KATNAL2: variants seen among roughly 807,000 people sequenced by gnomAD.
The protein encoded by KATNAL2 is katanin catalytic subunit A1 like 2.
A neutral mutation model predicts 76.3 loss-of-function variants in KATNAL2; 52 were observed. That is an observed-to-expected ratio of 0.68 (90% CI 0.55 to 0.86). The LOEUF (loss-of-function observed/expected upper bound fraction) is 0.86. KATNAL2 is among the 40% of genes least tolerant of loss of function. The pLI is 0.00. For synonymous variants in KATNAL2, 243 were observed against 244.2 expected, an observed-to-expected ratio of 1.00 and a Z score of 0.05; for missense variants, 660 against 668.9, an observed-to-expected ratio of 0.99 and a Z score of 0.15.
intron 15 of KATNAL2, among the ~76,000 whole-genome samples, chr18:47,091,936 C>T (rs1216235860): frequency 6.6e-6 from 1 of 152,160 alleles, no homozygotes; most frequent in African/African-American, 2.4e-5. Context: ...TTACCCTGTG[C>T]TCTGCCATTT....
At chr18:46,927,279 C>G (rs143058837) in intron 1 of KATNAL2, among the ~76,000 whole-genome samples, 11,619 of 152,034 alleles carry the variant, frequency 0.076, 477 homozygotes, top group African/African-American at 0.098. Flanking sequence ...GGGCAGGCCT[C>G]GTGGTGACAA....
intron 3 of KATNAL2, among the ~76,000 whole-genome samples, chr18:47,038,017 C>A (rs115814983): frequency 0.012 from 1,831 of 152,196 alleles, 29 homozygotes; most frequent in African/African-American, 0.04. Context: ...GCCTCATTAC[C>A]AGACAGAGTT....
intron 8 of KATNAL2, among the ~76,000 whole-genome samples, chr18:47,062,750 A>G (rs1022918952): frequency 3.9e-5 from 6 of 152,256 alleles, no homozygotes; most frequent in African/African-American, 1.4e-4. Flanking sequence ...ATTTTTATTC[A>G]AATCCACTTC....
At chr18:47,072,645 C>T (rs928116203) in intron 13 of KATNAL2, among the ~76,000 whole-genome samples, 4 of 152,036 alleles carry the variant, frequency 2.6e-5, no homozygotes, top group African/African-American at 9.7e-5. Context: ...CACCATGTTG[C>T]CCAGGCTCCT....
At position 47,100,319 on chromosome 18, in the gene KATNAL2, G is replaced by T. The variant is rs759957671; in HGVS notation, c.1440G>T (p.Val480=). 3 of 1,614,166 alleles carry T rather than the reference G, an allele frequency of 1.9e-6. No individual in the cohort carries two copies. The South Asian group carries it at 3.3e-5, about 18-fold the overall frequency. ...GCAGGGAAGCAGCCATGCGGCCCGT[G>T]AGGAAGATCTTTGATGCACTTGAAA... ...LVCREAAMRP[V]RKIFDALENH... is the part of the protein sequence containing the mutation. The change falls in exon 17 of 18, where the codon GTG becomes GTT. Residue 480 remains valine (V), a synonymous_variant. Coordinates refer to ENST00000683218, the MANE Select transcript of KATNAL2 (RefSeq NM_001387690.1).
In KATNAL2 at chr18:46,933,956, G is replaced by C. The variant is rs539177387; in HGVS notation, c.-509-12101G>C. On this transcript the variant is annotated intron_variant, in intron 1 of 17. Transcript: ENST00000683218. ...AATGATGGTTTCCAGTTTCATCCAT[G>C]TCCCTACAAAGGACATGAACTCATC... Among the ~76,000 whole-genome samples the C allele has an allele frequency of 1.3e-4, 19 of 150,064 alleles. No homozygotes were observed. The East Asian group carries it at 2.2e-3, about 17-fold the overall frequency.
chr18:46,957,632 G>A (rs1444127907), intron 3 of KATNAL2, among the ~76,000 whole-genome samples: 2 of 143,538 alleles, frequency 1.4e-5, no homozygotes, highest in Non-Finnish European at 3.0e-5. Context: ...GCACGATCTC[G>A]GCTCACTGAA....
chr18:47,040,619 A>T (rs2257027), intron 3 of KATNAL2, among the ~76,000 whole-genome samples: 72,668 of 152,012 alleles, frequency 0.48, 17,593 homozygotes, highest in East Asian at 0.65. Flanking sequence ...CTTACATGAG[A>T]GTACTACTTT....
At chr18:46,918,544 T>A (rs1046384410) in intron 1 of KATNAL2, among the ~76,000 whole-genome samples, 3 of 152,058 alleles carry the variant, frequency 2.0e-5, no homozygotes, top group Non-Finnish European at 2.9e-5. Context: ...AATGTCTGCC[T>A]CCCGGGTTCA....
chr18:47,069,552 A>G lies in KATNAL2; in HGVS notation c.960A>G (p.Ala320=), dbSNP rs766645365. 4 of 1,614,072 alleles carry G rather than the reference A, an allele frequency of 2.5e-6. No individual in the cohort carries two copies. Residue 320 remains alanine (A), a synonymous_variant, in exon 13 of 18, where the codon GCA becomes GCG. Transcript: ENST00000683218. ...AAACAACCTTCTTTAACATTTCTGCATCCACCATTGTCAGCAAATGGAGAG... is the reference window on the plus strand; with the variant it reads ...AAACAACCTTCTTTAACATTTCTGCGTCCACCATTGTCAGCAAATGGAGAG... ...ECKTTFFNIS[A]STIVSKWRGD...
intron 17 of KATNAL2, 77 bp from the exon 18 acceptor site, chr18:47,100,789 A>G (rs757660237): frequency 3.3e-5 from 50 of 1,511,866 alleles, no homozygotes; most frequent in Non-Finnish European, 4.4e-5. Flanking sequence ...TTTTGAAAGA[A>G]GGTCTATTAG....
At chr18:46,925,360 T>G (rs564511449) in intron 1 of KATNAL2, among the ~76,000 whole-genome samples, 1 of 152,322 alleles carries the variant, frequency 6.6e-6, no homozygotes, top group South Asian at 2.1e-4. Flanking sequence ...TTGTCTTTGG[T>G]TCTGTTTATA....
At chr18:47,034,834 G>C in intron 3 of KATNAL2, 1 of 1,612,128 alleles carries the variant, frequency 6.2e-7, no homozygotes, top group African/African-American at 1.3e-5. Flanking sequence ...GTGAGACCTC[G>C]GGTGAGGTCT....
Position 47,043,245 on chromosome 18 carries a change from A to AAAAAAAAAAAAAAAAAAAAAAAAAT in KATNAL2, c.52-3212_52-3211insAAAAAAAAAAAAAAAAAAAAAAAAT. 5.6e-3 allele frequency among the ~76,000 whole-genome samples: 518 copies of AAAAAAAAAAAAAAAAAAAAAAAAAT among 93,050 alleles called. 103 individuals are homozygous for AAAAAAAAAAAAAAAAAAAAAAAAAT. Among genetic ancestry groups the AAAAAAAAAAAAAAAAAAAAAAAAAT allele is most frequent in the Non-Finnish European group, 6.5e-3 (306 of 47,268 alleles). 61.0% of individuals were successfully genotyped at this position (93,050 alleles called of 152,430 possible). On this transcript the variant is annotated intron_variant, in intron 3 of 17. Coordinates refer to ENST00000683218, the MANE Select transcript of KATNAL2 (RefSeq NM_001387690.1). ...CCGTTTCAAAAAAAAAAAAAAAAAA[A>AAAAAAAAAAAAAAAAAAAAAAAAAT]GAGATCCTAAAAGCTTCCTGGGAAG...
At chr18:46,953,054 C>T (rs963925681) in intron 3 of KATNAL2, among the ~76,000 whole-genome samples, 1 of 151,932 alleles carries the variant, frequency 6.6e-6, no homozygotes. Context: ...GCCACCATGC[C>T]TGGCTAATTT....
intron 10 of KATNAL2, among the ~76,000 whole-genome samples, chr18:47,065,117 A>G (rs1303312466): frequency 6.6e-6 from 1 of 152,184 alleles, no homozygotes; most frequent in East Asian, 1.9e-4. Flanking sequence ...CTACCCTTCA[A>G]TCCAAGAATG....
chr18:47,055,263 C>T (rs1047166885), intron 6 of KATNAL2, among the ~76,000 whole-genome samples: 1 of 152,208 alleles, frequency 6.6e-6, no homozygotes, highest in Non-Finnish European at 1.5e-5. Context: ...GTTGCTATTA[C>T]AGTAGGGCCT....
At chr18:46,939,173 C>G (rs1200249673) in intron 1 of KATNAL2, among the ~76,000 whole-genome samples, 1 of 151,964 alleles carries the variant, frequency 6.6e-6, no homozygotes, top group Non-Finnish European at 1.5e-5. Context: ...AACCCCGTCT[C>G]TACTAAAAAG....
chr18:47,072,556 C>T (rs1486505231), intron 13 of KATNAL2, among the ~76,000 whole-genome samples: 1 of 152,184 alleles, frequency 6.6e-6, no homozygotes, highest in Non-Finnish European at 1.5e-5. Context: ...AGTAATCTTC[C>T]CACCTCAGCC....
Sources: allele counts gnomAD v4.1 joint callset (sites outside exome capture counted in the v4.1 genomes callset), GRCh38; gene constraint gnomAD v4.1.1; transcripts MANE v1.5; gene names NCBI Gene and HGNC (gene_info 2026-07-23, HGNC 2026-07-21).